RAB3GAP1: variants seen among roughly 807,000 people sequenced by gnomAD.
The protein encoded by RAB3GAP1 is RAB3 GTPase activating protein catalytic subunit 1.
In RAB3GAP1, 86 loss-of-function variants were observed where a neutral mutation model predicts 130.7. The observed-to-expected ratio is 0.66, with a 90% CI of 0.55 to 0.79. The LOEUF (loss-of-function observed/expected upper bound fraction) is 0.79, where lower values mean the gene tolerates loss of function less well. Ranked by LOEUF, RAB3GAP1 falls within the 30% of genes least tolerant of loss-of-function variation. The probability of loss-of-function intolerance (pLI) is 0.00; values close to 1 mark genes in which losing one functional copy is unlikely to be tolerated. For missense variants in RAB3GAP1, 1,029 were observed against 1,169.4 expected (o/e 0.88, Z 1.75); for synonymous variants, 367 against 401.7 (o/e 0.91, Z 1.03).
At chr2:135,060,282 C>A (rs1450426721) in intron 3 of RAB3GAP1, among the ~76,000 whole-genome samples, 1 of 116,504 alleles carries the variant, frequency 8.6e-6, no homozygotes, top group Admixed American at 9.0e-5. Flanking sequence ...TTTTTTGAGA[C>A]CGAGTCTCGC....
At position 135,095,899 on chromosome 2, in the gene RAB3GAP1, T is replaced by TGA. The variant is rs375784374; in HGVS notation, c.362+2223_362+2224dup. ...GTGAGTATAGTACAATAAGATATCT[T>TGA]GAGAGAGAGAGAGAGAGACCACATT... On this transcript the variant is annotated intron_variant, in intron 5 of 23. Transcript: ENST00000264158. Among the ~76,000 whole-genome samples, 68 of 150,806 alleles carry TGA rather than the reference T, an allele frequency of 4.5e-4. 1 individual carries two copies. The South Asian group carries it at 5.7e-3, about 13-fold the overall frequency.
intron 6 of RAB3GAP1, 96 bp from the exon 7 acceptor site, chr2:135,115,120 A>G: frequency 3.2e-6 from 4 of 1,243,760 alleles, no homozygotes; most frequent in Non-Finnish European, 4.6e-6. Context: ...TAGTGCTTTC[A>G]AATTCTTGAG....
chr2:135,160,500 C>T (rs1222369357), intron 19 of RAB3GAP1, among the ~76,000 whole-genome samples: 4 of 151,736 alleles, frequency 2.6e-5, no homozygotes, highest in East Asian at 1.9e-4. Flanking sequence ...AGTGAAACTC[C>T]GTCTTTACTA....
intron 3 of RAB3GAP1, among the ~76,000 whole-genome samples, chr2:135,071,781 C>T (rs1452970859): frequency 2.2e-4 from 34 of 152,210 alleles, no homozygotes; most frequent in East Asian, 1.9e-4. Flanking sequence ...GGGTAGAGGT[C>T]TCATCTCCCA....
chr2:135,065,745 T>G (rs1379757723), intron 3 of RAB3GAP1, among the ~76,000 whole-genome samples: 1 of 151,974 alleles, frequency 6.6e-6, no homozygotes, highest in African/African-American at 2.4e-5. Context: ...CTCTTAAAAT[T>G]TCTAATACGG....
downstream of RAB3GAP1, among the ~76,000 whole-genome samples, chr2:135,171,033 A>G (rs1396453952): frequency 2.6e-5 from 4 of 152,046 alleles, no homozygotes; most frequent in African/African-American, 7.2e-5. Context: ...GCCACTGTGA[A>G]GAAGGCCACT....
intron 3 of RAB3GAP1, among the ~76,000 whole-genome samples, chr2:135,087,086 A>G (rs1341947303): frequency 1.3e-5 from 2 of 152,196 alleles, no homozygotes; most frequent in Admixed American, 6.5e-5. Flanking sequence ...ATCTTTGCCT[A>G]TCCCAAGGTA....
rs1691509632 is a variant in RAB3GAP1 at position 135,130,658 on chromosome 2, C to G, written c.1173C>G (p.Ile391Met). Reference sequence around the variant, plus strand: ...TGGTACACACTGCAAAGAAGAAAATCCGAAAACACAGAGGTGTAGAGGAGT... The same window carrying G: ...TGGTACACACTGCAAAGAAGAAAATGCGAAAACACAGAGGTGTAGAGGAGT... ...SNMVHTAKKK[I>M]RKHRGVEESP... The change falls in exon 13 of 24, where the codon ATC (isoleucine) becomes ATG (methionine). Residue 391 changes from isoleucine (I) to methionine (M), a missense_variant. Physicochemically the swap from Ile to Met is conservative, Grantham distance 10. Transcript: ENST00000264158. 6.2e-7 allele frequency: 1 copy of G among 1,613,722 alleles called. No homozygotes were observed. Among genetic ancestry groups the G allele is most frequent in the Admixed American group, 1.7e-5 (1 of 60,012 alleles).
At chr2:135,090,824 G>A (rs953385436) in intron 3 of RAB3GAP1, among the ~76,000 whole-genome samples, 174 bp from the exon 4 acceptor site, 2 of 152,096 alleles carry the variant, frequency 1.3e-5, no homozygotes, top group African/African-American at 4.8e-5. Context: ...AAGGAACACT[G>A]ATAAATCATT....
chr2:135,056,677 A>T (rs1359236391), intron 2 of RAB3GAP1, among the ~76,000 whole-genome samples: 1 of 152,180 alleles, frequency 6.6e-6, no homozygotes, highest in South Asian at 2.1e-4. Flanking sequence ...GGATATATTA[A>T]ATTTTTCCTC....
chr2:135,076,197 C>G (rs568518394), intron 3 of RAB3GAP1, among the ~76,000 whole-genome samples: 1 of 152,088 alleles, frequency 6.6e-6, no homozygotes, highest in African/African-American at 2.4e-5. Flanking sequence ...CGTGAGCCAC[C>G]GTGCCCGGCC....
intron 23 of RAB3GAP1, among the ~76,000 whole-genome samples, chr2:135,165,417 G>A (rs1324478872): frequency 6.6e-6 from 1 of 152,198 alleles, no homozygotes. Context: ...ATGGCACTGT[G>A]ATTACACTAG....
chr2:135,108,871 A>T (rs565365539), intron 5 of RAB3GAP1, among the ~76,000 whole-genome samples: 1 of 152,150 alleles, frequency 6.6e-6, no homozygotes, highest in Non-Finnish European at 1.5e-5. Context: ...GGAGAATGTA[A>T]AGCCTATCTA....
intron 17 of RAB3GAP1, among the ~76,000 whole-genome samples, chr2:135,140,088 A>G (rs1363503029): frequency 6.6e-6 from 1 of 152,074 alleles, no homozygotes; most frequent in African/African-American, 2.4e-5. Context: ...GTGTTTGTGC[A>G]TGTGTTATTA....
intron 3 of RAB3GAP1, among the ~76,000 whole-genome samples, chr2:135,076,909 C>T (rs531351641): frequency 9.8e-4 from 149 of 152,288 alleles, no homozygotes; most frequent in Admixed American, 2.2e-3. Context: ...CATGTTGTAA[C>T]GTGTCAGAAT....
At chr2:135,114,439 C>T (rs1394850562) in intron 6 of RAB3GAP1, among the ~76,000 whole-genome samples, 1 of 152,152 alleles carries the variant, frequency 6.6e-6, no homozygotes, top group Non-Finnish European at 1.5e-5. Flanking sequence ...AGAATATTTA[C>T]TAATGTAGGA....
downstream of RAB3GAP1, among the ~76,000 whole-genome samples, chr2:135,173,194 C>T (rs1263019871): frequency 3.9e-5 from 6 of 152,014 alleles, no homozygotes; most frequent in East Asian, 7.8e-4. Flanking sequence ...AATACCCAAG[C>T]GGTTGGCTAT....
chr2:135,097,251 C>G (rs777856389), intron 5 of RAB3GAP1, among the ~76,000 whole-genome samples: 1 of 148,594 alleles, frequency 6.7e-6, no homozygotes. Flanking sequence ...AGGTCTTACT[C>G]TGTCACCCAG....
intron 10 of RAB3GAP1, 134 bp from the exon 11 acceptor site, chr2:135,126,449 G>C: frequency 2.1e-6 from 2 of 974,134 alleles, no homozygotes; most frequent in Non-Finnish European, 3.2e-6. Flanking sequence ...CATGTATCTG[G>C]ATAAGAGTAA....
Sources: allele counts gnomAD v4.1 joint callset (sites outside exome capture counted in the v4.1 genomes callset), GRCh38; gene constraint gnomAD v4.1.1; transcripts MANE v1.5; gene names NCBI Gene and HGNC (gene_info 2026-07-23, HGNC 2026-07-21).